The following RPH3AL variants were observed in gnomAD, a reference collection of about 807,000 sequenced individuals.
The protein encoded by RPH3AL is rab effector Noc2.
RPH3AL carries 38 observed loss-of-function variants against 43.1 expected under a neutral mutation model. The ratio of observed to expected loss-of-function variants is 0.88; its 90% confidence interval spans 0.68 to 1.15. RPH3AL has a LOEUF of 1.15. RPH3AL is among the 50% of genes most tolerant of loss of function. RPH3AL has a pLI of 0.00. For synonymous variants in RPH3AL, 189 were observed against 176.3 expected (o/e 1.07, Z -0.57); for missense variants, 462 against 423.2 (o/e 1.09, Z -0.81).
chr17:322,067 T>G lies in RPH3AL; in HGVS notation c.78-652A>C, dbSNP rs2044497150. Among the ~76,000 whole-genome samples the G allele has an allele frequency of 6.6e-6, 1 of 151,944 alleles. No homozygotes were observed. The highest frequency in any genetic ancestry group is 1.5e-5 in the Non-Finnish European group (1 of 67,978). On this transcript the variant is annotated intron_variant, in intron 3 of 9. Transcript: ENST00000331302. This position sits in a 1 kb window ranked among gnomAD's most constrained non-coding sequence, Gnocchi z 4.0. ...ATGAACACTTTGAAAACTAGCAGGT[T>G]CGAGGCGGGGGGGAAGCGAGTTACA...
At chr17:222,596 C>T (rs2041017442) in intron 7 of RPH3AL, among the ~76,000 whole-genome samples, 1 of 152,206 alleles carries the variant, frequency 6.6e-6, no homozygotes, top group Non-Finnish European at 1.5e-5. Flanking sequence ...TATAGCTACC[C>T]TTTAAACATT....
intron 6 of RPH3AL, 46 bp from the exon 7 acceptor site, chr17:247,331 C>G: frequency 6.7e-7 from 1 of 1,500,750 alleles, no homozygotes; most frequent in Non-Finnish European, 8.9e-7. Context: ...CGCAGAGGAG[C>G]CTCCCCTCCT....
chr17:298,543 A>AC (rs35417233), intron 5 of RPH3AL, among the ~76,000 whole-genome samples: 1 of 64,472 alleles, frequency 1.6e-5, no homozygotes, highest in African/African-American at 6.8e-5. Flanking sequence ...CTAAAAATAC[A>AC]AAAAAAAAAA....
intron 6 of RPH3AL, among the ~76,000 whole-genome samples, chr17:276,505 C>T (rs1004999729): frequency 6.6e-6 from 1 of 152,236 alleles, no homozygotes; most frequent in African/African-American, 2.4e-5. Flanking sequence ...GATCCTCCCG[C>T]CTCAACCTCC....
intron 3 of RPH3AL, among the ~76,000 whole-genome samples, chr17:326,412 T>C (rs1224700684): frequency 6.6e-6 from 1 of 152,198 alleles, no homozygotes; most frequent in African/African-American, 2.4e-5. Context: ...GGTTGAAGGA[T>C]GAAGGGGCCC....
intron 5 of RPH3AL, among the ~76,000 whole-genome samples, chr17:314,446 C>G (rs1034982908): frequency 6.6e-6 from 1 of 151,062 alleles, no homozygotes; most frequent in Admixed American, 6.6e-5. Context: ...GCCCCCACCT[C>G]CATTGACCTG....
intron 7 of RPH3AL, among the ~76,000 whole-genome samples, chr17:231,556 T>G (rs1430106773): frequency 2.0e-5 from 3 of 152,186 alleles, no homozygotes; most frequent in Admixed American, 2.0e-4. Flanking sequence ...TGGAATCAGA[T>G]GGGGCAGAGA....
At chr17:282,920 C>T (rs2042815319) in intron 5 of RPH3AL, among the ~76,000 whole-genome samples, 1 of 152,206 alleles carries the variant, frequency 6.6e-6, no homozygotes, top group Non-Finnish European at 1.5e-5. Flanking sequence ...CATTTGCTGG[C>T]CGAAACGTCA....
intron 5 of RPH3AL, among the ~76,000 whole-genome samples, chr17:294,588 A>AAG (rs2043126871): frequency 1.2e-5 from 1 of 82,522 alleles, no homozygotes; most frequent in South Asian, 4.7e-4. Context: ...AAATGGATGG[A>AAG]CAGAGGGAAT....
At chr17:313,819 C>G (rs1024831916) in intron 5 of RPH3AL, among the ~76,000 whole-genome samples, 1 of 152,130 alleles carries the variant, frequency 6.6e-6, no homozygotes, top group Non-Finnish European at 1.5e-5. Flanking sequence ...CCACCTTCTC[C>G]AAGAAGGAAG....
intron 7 of RPH3AL, among the ~76,000 whole-genome samples, chr17:232,838 G>A (rs1437617413): frequency 8.6e-5 from 2 of 23,206 alleles, no homozygotes; most frequent in East Asian, 2.6e-3. Flanking sequence ...GCGTGTGTGT[G>A]TGTGTGTGTG....
Position 222,927 on chromosome 17 carries a change from CG to C in RPH3AL, c.614-3192del, listed in dbSNP as rs1879114136. Among the ~76,000 whole-genome samples, 6 of 152,316 alleles carry C rather than the reference CG, an allele frequency of 3.9e-5. No individual in the cohort carries two copies. The South Asian group carries it at 1.2e-3, about 32-fold the overall frequency. ...TTCCAGGGCTGGGTGTGGTGGCTCACGCCTGTAATCCCAGCACTTTGGGAGG... is the reference window on the plus strand; with the variant it reads ...TTCCAGGGCTGGGTGTGGTGGCTCACCCTGTAATCCCAGCACTTTGGGAGG... On this transcript the variant is annotated intron_variant, in intron 7 of 9. Transcript: ENST00000331302.
intron 8 of RPH3AL, among the ~76,000 whole-genome samples, chr17:216,637 G>C (rs1035786248): frequency 5.9e-5 from 9 of 152,236 alleles, no homozygotes; most frequent in East Asian, 1.9e-4. Context: ...CCTGGAAACC[G>C]AGGCTGGCAG....
Position 235,345 on chromosome 17 carries a change from G to A in RPH3AL, c.613+11766C>T, listed in dbSNP as rs71369972. Among the ~76,000 whole-genome samples, 80 of 144,254 alleles carry A rather than the reference G, an allele frequency of 5.5e-4. 1 individual carries two copies. Among genetic ancestry groups the A allele is most frequent in the Admixed American group, 2.7e-3 (39 of 14,710 alleles). The allele number at this position is 144,254 out of a possible 152,430, so 94.6% of individuals were successfully genotyped here. On this transcript the variant is annotated intron_variant, in intron 7 of 9. Coordinates refer to ENST00000331302, the MANE Select transcript of RPH3AL (RefSeq NM_006987.4). Reference sequence around the variant, plus strand: ...GGCCGAGGCTCTGCACTAACAAGACGGATCCAGGGTTCAAAGCTGGGGTCG... The same window carrying A: ...GGCCGAGGCTCTGCACTAACAAGACAGATCCAGGGTTCAAAGCTGGGGTCG...
At chr17:216,914 G>C (rs973715853) in intron 8 of RPH3AL, among the ~76,000 whole-genome samples, 13 of 152,154 alleles carry the variant, frequency 8.5e-5, no homozygotes, top group Admixed American at 5.2e-4. Context: ...CTCTGATTTA[G>C]CTCAAACTTC....
intron 6 of RPH3AL, among the ~76,000 whole-genome samples, chr17:262,641 C>T (rs1246286200): frequency 6.6e-6 from 1 of 152,184 alleles, no homozygotes; most frequent in Admixed American, 6.5e-5. Flanking sequence ...CCTGGCCAAG[C>T]TGTTTACATC....
chr17:292,925 C>G (rs1482973091), intron 5 of RPH3AL, among the ~76,000 whole-genome samples: 2 of 152,260 alleles, frequency 1.3e-5, no homozygotes, highest in African/African-American at 2.4e-5. Context: ...CCACCTGCTG[C>G]CGGGTCTGAG....
At chr17:315,409 GC>G (rs68058181) in intron 5 of RPH3AL, among the ~76,000 whole-genome samples, 17 of 109,476 alleles carry the variant, frequency 1.6e-4, no homozygotes, top group South Asian at 2.8e-4. Flanking sequence ...TAGTCCCTGT[GC>G]CCCCACCTCC....
chr17:219,800 G>A lies in RPH3AL; in HGVS notation c.614-64C>T, dbSNP rs369313463. On this transcript the variant is annotated intron_variant, in intron 7 of 9. Coordinates refer to ENST00000331302, the MANE Select transcript of RPH3AL (RefSeq NM_006987.4). ...CAGCCCCTACCTGCAGGCATGGACGGAGGGACGAGGGCAGGCCTCCCCAGC... is the reference window on the plus strand; with the variant it reads ...CAGCCCCTACCTGCAGGCATGGACGAAGGGACGAGGGCAGGCCTCCCCAGC... The A allele has an allele frequency of 2.3e-4, 281 of 1,236,704 alleles. 3 individuals are homozygous for A. In the South Asian group the frequency reaches 2.8e-3, roughly 12 times the overall value. 76.6% of individuals were successfully genotyped at this position (1,236,704 alleles called of 1,614,324 possible). A position where few individuals can be genotyped will look rare whatever the true frequency, so the allele number is the denominator to read the frequency against.
Sources: allele counts gnomAD v4.1 joint callset (sites outside exome capture counted in the v4.1 genomes callset), GRCh38; gene constraint gnomAD v4.1.1; non-coding constraint Gnocchi (gnomAD v3.1); transcripts MANE v1.5; gene names NCBI Gene and HGNC (gene_info 2026-07-23, HGNC 2026-07-21).